The following NEUROD2 variants were observed in gnomAD, a reference collection of about 807,000 sequenced individuals.
NEUROD2 encodes the protein neurogenic differentiation factor 2.
NEUROD2 carries 5 observed loss-of-function variants against 9.3 expected under a neutral mutation model. The ratio of observed to expected loss-of-function variants is 0.54; its 90% confidence interval spans 0.28 to 1.13. The LOEUF is 1.13. Among genes scored for constraint, NEUROD2 ranks in the 50% most tolerant of loss-of-function variants. The pLI, the probability that NEUROD2 is intolerant of heterozygous loss-of-function variation, is 0.10. For synonymous variants in NEUROD2, 277 were observed against 257.3 expected, an observed-to-expected ratio of 1.08 and a Z score of -0.73; for missense variants, 376 against 549.2, an observed-to-expected ratio of 0.68 and a Z score of 3.15.
In NEUROD2 at chr17:39,606,723, T is replaced by A; in HGVS notation, c.-5-119A>T. 2 of 1,115,786 alleles carry A rather than the reference T, an allele frequency of 1.8e-6. No individual in the cohort carries two copies. Among genetic ancestry groups the A allele is most frequent in the Non-Finnish European group, 2.4e-6 (2 of 831,108 alleles). 69.1% of individuals were successfully genotyped at this position (1,115,786 alleles called of 1,614,324 possible). A position where few individuals can be genotyped will look rare whatever the true frequency, so the allele number is the denominator to read the frequency against. ...CCCGAGTCTCGTGCGGGCTCCTGCC[T>A]AGGCTACCCTGGATGCCCACCTCCG... is the stretch of plus-strand genomic sequence containing the variant. On this transcript the variant is annotated intron_variant, in intron 1 of 1. Coordinates refer to ENST00000302584, the MANE Select transcript of NEUROD2 (RefSeq NM_006160.4). This position sits in a 1 kb window ranked among gnomAD's most constrained non-coding sequence, Gnocchi z 7.8.
rs1169778604 is a variant in NEUROD2, at chr17:39,606,312, C to T, written c.288G>A (p.Ala96=). 1 of 1,603,574 alleles carries T rather than the reference C, an allele frequency of 6.2e-7. No individual in the cohort carries two copies. Among genetic ancestry groups the T allele is most frequent in the Non-Finnish European group, 8.5e-7 (1 of 1,177,424 alleles). Residue 96 remains alanine, a synonymous_variant, in exon 2 of 2, where the codon GCG becomes GCA. Coordinates refer to ENST00000302584, the MANE Select transcript of NEUROD2 (RefSeq NM_006160.4). This position sits in a 1 kb window ranked among gnomAD's most constrained non-coding sequence, Gnocchi z 7.8. ...CGCGCTTCTTGGGCCGCTCGCCCTC[C>T]GCCTCGTCCAGTCCTTCTTCCTCCT... ...EEEEEEGLDE[A]EGERPKKRGP...
intron 1 of NEUROD2, 157 bp downstream of exon 1, chr17:39,607,571 C>T (rs990908502): frequency 1.0e-6 from 1 of 983,226 alleles, no homozygotes; most frequent in Non-Finnish European, 1.2e-6. Context: ...GGGCTGCAGC[C>T]CCTAAGGGAG....
Position 39,605,466 on chromosome 17 carries a change from C to G in NEUROD2, c.1134G>C (p.Ala378=), listed in dbSNP as rs773848127. 6.3e-7 allele frequency: 1 copy of G among 1,580,454 alleles called. No individual in the cohort carries two copies. Among genetic ancestry groups the G allele is most frequent in the Non-Finnish European group, 8.6e-7 (1 of 1,161,324 alleles). Residue 378 remains alanine (A), a synonymous_variant, in exon 2 of 2, where the codon GCG becomes GCC. Transcript: ENST00000302584. The surrounding 1 kb of genome is among the most constrained non-coding windows in gnomAD (Gnocchi z 6.8). ...DRGPMYEELN[A]FFHN ...GCGCGAAGTCTCAGTTATGAAAAAACGCATTGAGCTCCTCGTACATGGGGC... is the reference window on the plus strand; with the variant it reads ...GCGCGAAGTCTCAGTTATGAAAAAAGGCATTGAGCTCCTCGTACATGGGGC...
chr17:39,606,660 G>C lies in NEUROD2; in HGVS notation c.-5-56C>G. ...ACAGACAGCACAAAGTGAGGGGCGC[G>C]CTGGGGTACCGACGCCCCCCCACAA... On this transcript the variant is annotated intron_variant, in intron 1 of 1. Coordinates refer to ENST00000302584, the MANE Select transcript of NEUROD2 (RefSeq NM_006160.4). This position sits in a 1 kb window ranked among gnomAD's most constrained non-coding sequence, Gnocchi z 7.8. The C allele has an allele frequency of 7.6e-6, 11 of 1,441,470 alleles. No individual in the cohort carries two copies. The highest frequency in any genetic ancestry group is 1.0e-5 in the Non-Finnish European group (11 of 1,097,678). 89.3% of individuals were successfully genotyped at this position (1,441,470 alleles called of 1,614,324 possible).
Position 39,605,359 on chromosome 17 carries a change from C to T in NEUROD2, c.*92G>A. ...GTGGCCCGCTCCCCGCGCCCGGCGC[C>T]GGGGTAGGATGGGGGTGTCCCTGCG... On this transcript the variant is annotated 3_prime_UTR_variant, in exon 2 of 2. Coordinates refer to ENST00000302584, the MANE Select transcript of NEUROD2 (RefSeq NM_006160.4). The surrounding 1 kb of genome is among the most constrained non-coding windows in gnomAD (Gnocchi z 6.8). 1 of 1,423,652 alleles carries T rather than the reference C, an allele frequency of 7.0e-7. No individual in the cohort carries two copies. The highest frequency in any genetic ancestry group is 2.8e-5 in the Admixed American group (1 of 35,274). The allele number at this position is 1,423,652 out of a possible 1,614,324, so 88.2% of individuals were successfully genotyped here.
intron 1 of NEUROD2, 189 bp downstream of exon 1, chr17:39,607,539 G>A: frequency 7.6e-6 from 7 of 917,352 alleles, no homozygotes; most frequent in Non-Finnish European, 9.1e-6. Flanking sequence ...CGCAGGCAGA[G>A]ACACCTCCTC....
In NEUROD2 at chr17:39,606,055, C is replaced by T. The variant is rs901253618; in HGVS notation, c.545G>A (p.Arg182Gln). 1 of 1,613,954 alleles carries T rather than the reference C, an allele frequency of 6.2e-7. No homozygotes were observed. Among genetic ancestry groups the T allele is most frequent in the Non-Finnish European group, 8.5e-7 (1 of 1,179,848 alleles). Residue 182 changes from arginine (R) to glutamine (Q), a missense_variant, in exon 2 of 2, where the codon CGG becomes CAG. Physicochemically the swap from Arg to Gln is conservative, Grantham distance 43. Around this residue, in one of 3 missense-constraint regions of NEUROD2, gnomAD observed 49 missense variants for 159.8 expected, o/e 0.31. Coordinates refer to ENST00000302584, the MANE Select transcript of NEUROD2 (RefSeq NM_006160.4). This position sits in a 1 kb window ranked among gnomAD's most constrained non-coding sequence, Gnocchi z 7.8. ...CTGCACGTAGGACACTAGGTCTGGC[C>T]GCTTGCCGGAGCGCAGGATCTCCGA... ...ALSEILRSGK[R>Q]PDLVSYVQTL...
rs17852042 is a variant in NEUROD2, at chr17:39,606,290, G to C, written c.310C>G (p.Arg104Gly). 6.2e-7 allele frequency: 1 copy of C among 1,607,666 alleles called. No individual in the cohort carries two copies. The highest frequency in any genetic ancestry group is 8.5e-7 in the Non-Finnish European group (1 of 1,178,998). The change falls in exon 2 of 2, where the codon CGC (arginine) becomes GGC (glycine). Residue 104 changes from arginine (R) to glycine (G), a missense_variant. This residue lies in a region of NEUROD2 where 49 missense variants were observed against 159.8 expected (regional missense o/e 0.31). Coordinates refer to ENST00000302584, the MANE Select transcript of NEUROD2 (RefSeq NM_006160.4). This position sits in a 1 kb window ranked among gnomAD's most constrained non-coding sequence, Gnocchi z 7.8. The part of the protein sequence containing the change: ...DEAEGERPKK[R>G]GPKKRKMTKA... ...GTCATCTTGCGCTTCTTGGGCCCGC[G>C]CTTCTTGGGCCGCTCGCCCTCCGCC... is the stretch of plus-strand genomic sequence containing the variant.
Position 39,605,886 on chromosome 17 carries a change from G to A in NEUROD2, c.714C>T (p.Pro238=). 6.3e-7 allele frequency: 1 copy of A among 1,598,760 alleles called. No homozygotes were observed. The highest frequency in any genetic ancestry group is 8.5e-7 in the Non-Finnish European group (1 of 1,174,792). ...CCAGGCGCGAGCACGGGTACGGGTA[G>A]GGGTGCATGGCGAACGGGCCGCCCG... ...HGSGGPFAMH[P]YPYPCSRLAG... Residue 238 remains proline (P), a synonymous_variant, in exon 2 of 2, where the codon CCC becomes CCT. Coordinates refer to ENST00000302584, the MANE Select transcript of NEUROD2 (RefSeq NM_006160.4). This position sits in a 1 kb window ranked among gnomAD's most constrained non-coding sequence, Gnocchi z 6.8.
chr17:39,606,784 C>A lies in NEUROD2; in HGVS notation c.-5-180G>T. ...CGCCCAGAGCCGGCCCAGCCCTACC[C>A]GGCTGCCGGCCTGGGATCTCGGCCC... On this transcript the variant is annotated intron_variant, in intron 1 of 1. Transcript: ENST00000302584. This position sits in a 1 kb window ranked among gnomAD's most constrained non-coding sequence, Gnocchi z 7.8. 3.3e-6 allele frequency: 2 copies of A among 601,940 alleles called. No individual in the cohort carries two copies. The allele number at this position is 601,940 out of a possible 1,614,324, so 37.3% of individuals were successfully genotyped here.
At position 39,605,593 on chromosome 17, in the gene NEUROD2, C is replaced by A; in HGVS notation, c.1007G>T (p.Arg336Leu). The A allele has an allele frequency of 6.2e-7, 1 of 1,613,692 alleles. No individual in the cohort carries two copies. The highest frequency in any genetic ancestry group is 8.5e-7 in the Non-Finnish European group (1 of 1,179,844). ...GAAGACTAGCCCGTGGCCCGTGGGC[C>A]GCGAACCGGGCAGCGCCGAGTAGTG... The part of the protein sequence containing the change: ...SMHYSALPGS[R>L]PTGHGLVFGS... Residue 336 changes from arginine (R) to leucine (L), a missense_variant, in exon 2 of 2, where the codon CGG (arginine) becomes CTG (leucine). Transcript: ENST00000302584. This position sits in a 1 kb window ranked among gnomAD's most constrained non-coding sequence, Gnocchi z 6.8.
Position 39,606,759 on chromosome 17 carries a change from C to T in NEUROD2, c.-5-155G>A, listed in dbSNP as rs1298139430. The T allele has an allele frequency of 7.8e-6, 6 of 771,348 alleles. No individual in the cohort carries two copies. The highest frequency in any genetic ancestry group is 7.7e-6 in the Non-Finnish European group (4 of 520,362). 47.8% of individuals were successfully genotyped at this position (771,348 alleles called of 1,614,324 possible). A position where few individuals can be genotyped will look rare whatever the true frequency, so the allele number is the denominator to read the frequency against. On this transcript the variant is annotated intron_variant, in intron 1 of 1. Coordinates refer to ENST00000302584, the MANE Select transcript of NEUROD2 (RefSeq NM_006160.4). This position sits in a 1 kb window ranked among gnomAD's most constrained non-coding sequence, Gnocchi z 7.8. ...GGATGCCCACCTCCGCCGCCTGCCC[C>T]GCCCAGAGCCGGCCCAGCCCTACCC...
rs1057130581 is a variant in NEUROD2, at chr17:39,606,867, T to C, written c.-5-263A>G. On this transcript the variant is annotated intron_variant, in intron 1 of 1. Transcript: ENST00000302584. The surrounding 1 kb of genome is among the most constrained non-coding windows in gnomAD (Gnocchi z 7.8). ...GCCCCTCGCTTGAATGGGGGGCTGC[T>C]CCCCGCGCCTGCTTCTTCTCAGGGT... is the stretch of plus-strand genomic sequence containing the variant. 2.3e-6 allele frequency: 1 copy of C among 431,326 alleles called. No individual in the cohort carries two copies. The highest frequency in any genetic ancestry group is 4.1e-6 in the Non-Finnish European group (1 of 245,142). The allele number at this position is 431,326 out of a possible 1,614,324, so 26.7% of individuals were successfully genotyped here.
At position 39,605,881 on chromosome 17, in the gene NEUROD2, G is replaced by C. The variant is rs1188487002; in HGVS notation, c.719C>G (p.Pro240Arg). 5.0e-6 allele frequency: 8 copies of C among 1,593,080 alleles called. No homozygotes were observed. The highest frequency in any genetic ancestry group is 6.8e-6 in the Non-Finnish European group (8 of 1,172,288). ...GCCCGCCAGGCGCGAGCACGGGTAC[G>C]GGTAGGGGTGCATGGCGAACGGGCC... ...SGGPFAMHPY[P>R]YPCSRLAGAQ... Residue 240 changes from proline to arginine, a missense_variant, in exon 2 of 2, where the codon CCG becomes CGG. Pro to Arg is a moderately radical substitution (Grantham distance 103). Coordinates refer to ENST00000302584, the MANE Select transcript of NEUROD2 (RefSeq NM_006160.4). The surrounding 1 kb of genome is among the most constrained non-coding windows in gnomAD (Gnocchi z 6.8).
chr17:39,606,102 G>C lies in NEUROD2; in HGVS notation c.498C>G (p.Ala166=), dbSNP rs2056766891. 6.2e-7 allele frequency: 1 copy of C among 1,614,096 alleles called. No homozygotes were observed. The highest frequency in any genetic ancestry group is 8.5e-7 in the Non-Finnish European group (1 of 1,180,006). Residue 166 remains alanine, a synonymous_variant, in exon 2 of 2, where the codon GCC becomes GCG. Transcript: ENST00000302584. The surrounding 1 kb of genome is among the most constrained non-coding windows in gnomAD (Gnocchi z 7.8). ...KLSKIETLRL[A]KNYIWALSEI... ...CCGAGAGCGCCCAGATATAGTTCTT[G>C]GCTAGGCGCAGCGTCTCGATCTTGG... is the stretch of plus-strand genomic sequence containing the variant.
At position 39,605,744 on chromosome 17, in the gene NEUROD2, C is replaced by T. The variant is rs1291596114; in HGVS notation, c.856G>A (p.Ala286Thr). ...TCGGAGCTGTTGTAGTCCGGGCTCG[C>T]GCCGCCACCGCCTGCCGCCGCATAC... ...TLYAAAGGGG[A>T]SPDYNSSEYE... Residue 286 changes from alanine to threonine, a missense_variant, in exon 2 of 2, where the codon GCG (alanine) becomes ACG (threonine). By Grantham distance (58) the Ala-to-Thr change is moderately conservative (BLOSUM62 0). Coordinates refer to ENST00000302584, the MANE Select transcript of NEUROD2 (RefSeq NM_006160.4). This position sits in a 1 kb window ranked among gnomAD's most constrained non-coding sequence, Gnocchi z 6.8. 6.7e-7 allele frequency: 1 copy of T among 1,490,736 alleles called. No individual in the cohort carries two copies. Among genetic ancestry groups the T allele is most frequent in the Non-Finnish European group, 8.9e-7 (1 of 1,121,726 alleles). The allele number at this position is 1,490,736 out of a possible 1,614,324, so 92.3% of individuals were successfully genotyped here.
chr17:39,605,333 G>C lies in NEUROD2; in HGVS notation c.*118C>G. 4.5e-6 allele frequency: 6 copies of C among 1,339,082 alleles called. No homozygotes were observed. The highest frequency in any genetic ancestry group is 6.0e-6 in the Non-Finnish European group (6 of 1,007,022). 83.0% of individuals were successfully genotyped at this position (1,339,082 alleles called of 1,614,324 possible). A position where few individuals can be genotyped will look rare whatever the true frequency, so the allele number is the denominator to read the frequency against. On this transcript the variant is annotated 3_prime_UTR_variant, in exon 2 of 2. Coordinates refer to ENST00000302584, the MANE Select transcript of NEUROD2 (RefSeq NM_006160.4). The surrounding 1 kb of genome is among the most constrained non-coding windows in gnomAD (Gnocchi z 6.8). Reference sequence around the variant, plus strand: ...GCTGCCCCAGGAGAGCGGCAGGACCGGTGGCCCGCTCCCCGCGCCCGGCGC... The same window carrying C: ...GCTGCCCCAGGAGAGCGGCAGGACCCGTGGCCCGCTCCCCGCGCCCGGCGC...
chr17:39,606,362 C>A lies in NEUROD2; in HGVS notation c.238G>T (p.Gly80Trp). ...TCCTCTTCCTCCTCCTCCTCTCCCC[C>A]CAGCTCGCCTTCCTCCTTGACCTCG... ...LAEVKEEGEL[G>W]GEEEEEEEEE... Residue 80 changes from glycine to tryptophan, a missense_variant, in exon 2 of 2, where the codon GGG becomes TGG. Gly to Trp is a radical substitution (Grantham distance 184). Around this residue, in one of 3 missense-constraint regions of NEUROD2, gnomAD observed 134 missense variants for 133.6 expected, o/e 1.00. Coordinates refer to ENST00000302584, the MANE Select transcript of NEUROD2 (RefSeq NM_006160.4). This position sits in a 1 kb window ranked among gnomAD's most constrained non-coding sequence, Gnocchi z 7.8. The A allele has an allele frequency of 1.3e-6, 2 of 1,571,584 alleles. No individual in the cohort carries two copies. The highest frequency in any genetic ancestry group is 1.7e-6 in the Non-Finnish European group (2 of 1,161,274).
chr17:39,606,594 C>T lies in NEUROD2; in HGVS notation c.6G>A (p.Leu2=). Residue 2 remains leucine (L), a synonymous_variant, in exon 2 of 2, where the codon CTG becomes CTA. Coordinates refer to ENST00000302584, the MANE Select transcript of NEUROD2 (RefSeq NM_006160.4). This position sits in a 1 kb window ranked among gnomAD's most constrained non-coding sequence, Gnocchi z 7.8. M[L]TRLFSEPGLL... ...GGCCGGGCTCGCTGAACAGGCGGGT[C>T]AGCATGGTGCCTGAGGGCGCCCCGC... is the stretch of plus-strand genomic sequence containing the variant. 2 of 1,568,332 alleles carry T rather than the reference C, an allele frequency of 1.3e-6. No individual in the cohort carries two copies. Among genetic ancestry groups the T allele is most frequent in the Admixed American group, 1.8e-5 (1 of 55,996 alleles).
Sources: allele counts gnomAD v4.1 joint callset, GRCh38; gene constraint gnomAD v4.1.1; regional missense constraint gnomAD v4.1.1; non-coding constraint Gnocchi (gnomAD v3.1); transcripts MANE v1.5; gene names NCBI Gene and HGNC (gene_info 2026-07-23, HGNC 2026-07-21).